The following TTC5 variants were observed in gnomAD, a reference collection of about 807,000 sequenced individuals.
TTC5 encodes tetratricopeptide repeat protein 5.
Under a neutral mutation model 57.4 loss-of-function variants are expected in TTC5, and 46 were observed. That is an observed-to-expected ratio of 0.80 (90% CI 0.63 to 1.03). TTC5 has a LOEUF of 1.03. TTC5 is among the 50% of genes least tolerant of loss of function. TTC5 has a pLI of 0.00. For synonymous variants in TTC5, 190 were observed against 203.5 expected (o/e 0.93, Z 0.57); for missense variants, 504 against 528.1 (o/e 0.95, Z 0.45).
chr14:20,300,165 T>C (rs1352284437), intron 3 of TTC5, among the ~76,000 whole-genome samples: 1 of 14,168 alleles, frequency 7.1e-5, no homozygotes, highest in Admixed American at 9.0e-4. Flanking sequence ...ATTTTTTTTT[T>C]TTTTTTTTTT....
At chr14:20,290,071 C>T (rs573362570) in intron 9 of TTC5, among the ~76,000 whole-genome samples, 62 of 152,332 alleles carry the variant, frequency 4.1e-4, no homozygotes, top group Admixed American at 8.5e-4. Context: ...CCTTTTCCCA[C>T]GGTGTTTCCT....
At position 20,287,074 on chromosome 14, in the gene TTC5, G is replaced by A. The variant is rs1203995846; in HGVS notation, c.*2553C>T. On this transcript the variant is annotated 3_prime_UTR_variant, in exon 10 of 10. Coordinates refer to ENST00000258821, the MANE Select transcript of TTC5 (RefSeq NM_138376.3). Reference sequence around the variant, plus strand: ...AAACTAATATAAGCACTTTGGAAATGTTTAGTGCTTCTCAAAAAAGTTGAA... The same window carrying A: ...AAACTAATATAAGCACTTTGGAAATATTTAGTGCTTCTCAAAAAAGTTGAA... The A allele has an allele frequency of 3.9e-5, 6 of 152,168 alleles. No individual in the cohort carries two copies. The highest frequency in any genetic ancestry group is 8.8e-5 in the Non-Finnish European group (6 of 68,028). 9.4% of individuals were successfully genotyped at this position (152,168 alleles called of 1,614,324 possible). A position where few individuals can be genotyped will look rare whatever the true frequency, so the allele number is the denominator to read the frequency against.
At chr14:20,302,064 TTC>T (rs2138818696) in intron 1 of TTC5, 99 bp from the exon 2 acceptor site, 4 of 1,329,878 alleles carry the variant, frequency 3.0e-6, no homozygotes, top group East Asian at 2.4e-5. Flanking sequence ...GAAATACCAA[TTC>T]TCTTTCTCAC....
chr14:20,302,813 T>G (rs1357246202), intron 1 of TTC5, among the ~76,000 whole-genome samples: 1 of 152,228 alleles, frequency 6.6e-6, no homozygotes, highest in East Asian at 1.9e-4. Context: ...AAACGTTGTT[T>G]CAGGCACAAA....
At chr14:20,293,974 T>C (rs534316580) in intron 8 of TTC5, 4 of 152,274 alleles carry the variant, frequency 2.6e-5, no homozygotes, top group South Asian at 2.1e-4. Flanking sequence ...TGTAAGCATA[T>C]AGGAGGCTGC....
chr14:20,301,040 G>C (rs1400172631), intron 2 of TTC5, among the ~76,000 whole-genome samples: 1 of 152,110 alleles, frequency 6.6e-6, no homozygotes, highest in African/African-American at 2.4e-5. Context: ...CTGTTTCTTG[G>C]GCCCCTATCT....
chr14:20,299,220 A>G (rs1882130584), intron 4 of TTC5, 78 bp downstream of exon 4: 2 of 1,511,870 alleles, frequency 1.3e-6, no homozygotes, highest in Non-Finnish European at 1.8e-6. Context: ...ATCACACTCA[A>G]AAGAGGGACT....
At chr14:20,291,825 C>CAT (rs968750839) in intron 9 of TTC5, among the ~76,000 whole-genome samples, 158 bp downstream of exon 9, 79 of 151,252 alleles carry the variant, frequency 5.2e-4, no homozygotes, top group Admixed American at 1.7e-3. Context: ...TAAAAAAATA[C>CAT]ATATATATAT....
intron 5 of TTC5, among the ~76,000 whole-genome samples, chr14:20,296,869 T>C (rs559515524): frequency 4.7e-4 from 71 of 152,040 alleles, no homozygotes; most frequent in African/African-American, 1.5e-3. Flanking sequence ...AAAACTTAGC[T>C]AGGCATGGTG....
In TTC5 at chr14:20,295,361, T is replaced by C; in HGVS notation, c.1009A>G (p.Ile337Val). Residue 337 changes from isoleucine (I) to valine (V), a missense_variant, in exon 8 of 10, where the codon ATC becomes GTC. By Grantham distance (29) the Ile-to-Val change is conservative. Transcript: ENST00000258821. Reference protein sequence around the residue: ...LQPGVNSGAVILGKVVFSLTT... With the variant: ...LQPGVNSGAVVLGKVVFSLTT... ...AGGCTAAATACCACCTTTCCCAGGA[T>C]GACGGCACCGCTGTTCACCCCAGGC... 1 of 1,614,180 alleles carries C rather than the reference T, an allele frequency of 6.2e-7. No individual in the cohort carries two copies. Among genetic ancestry groups the C allele is most frequent in the Non-Finnish European group, 8.5e-7 (1 of 1,180,026 alleles).
At chr14:20,293,682 G>C (rs184880741) in intron 8 of TTC5, 1 of 152,242 alleles carries the variant, frequency 6.6e-6, no homozygotes, top group African/African-American at 2.4e-5. Flanking sequence ...GTGATAAGGG[G>C]GTGAATTAAG....
Position 20,288,546 on chromosome 14 carries a change from G to A in TTC5, c.*1081C>T, listed in dbSNP as rs2138801292. 1 of 152,416 alleles carries A rather than the reference G, an allele frequency of 6.6e-6. No homozygotes were observed. The highest frequency in any genetic ancestry group is 2.4e-5 in the African/African-American group (1 of 41,572). The allele number at this position is 152,416 out of a possible 1,614,324, so 9.4% of individuals were successfully genotyped here. A position where few individuals can be genotyped will look rare whatever the true frequency, so the allele number is the denominator to read the frequency against. On this transcript the variant is annotated 3_prime_UTR_variant, in exon 10 of 10. Transcript: ENST00000258821. The stretch of plus-strand genomic sequence containing the variant: ...ATTCTCTGCCTCAGCCTCCCCAGTA[G>A]CTGTGATTACAGGTGCCTGCCACCA...
chr14:20,295,365 G>A lies in TTC5; in HGVS notation c.1005C>T (p.Ala335=), dbSNP rs746941186. The part of the protein sequence containing the change: ...STLQPGVNSG[A]VILGKVVFSL... ...TAAATACCACCTTTCCCAGGATGAC[G>A]GCACCGCTGTTCACCCCAGGCTGAA... Residue 335 remains alanine, a synonymous_variant, in exon 8 of 10, where the codon GCC becomes GCT. Transcript: ENST00000258821. 1.7e-5 allele frequency: 27 copies of A among 1,614,002 alleles called. No individual in the cohort carries two copies. Among genetic ancestry groups the A allele is most frequent in the East Asian group, 4.5e-5 (2 of 44,890 alleles).
chr14:20,298,911 A>C, intron 4 of TTC5, 23 bp from the exon 5 acceptor site: 1 of 1,544,194 alleles, frequency 6.5e-7, no homozygotes, highest in Non-Finnish European at 9.0e-7. Flanking sequence ...CACAGTGACA[A>C]ATCATCTCAG....
intron 8 of TTC5, chr14:20,292,890 A>T (rs1483714286): frequency 1.3e-5 from 2 of 152,236 alleles, no homozygotes; most frequent in Non-Finnish European, 2.9e-5. Flanking sequence ...AATCCTCGGT[A>T]AAAATGTTAA....
intron 2 of TTC5, 137 bp downstream of exon 2, chr14:20,301,696 G>T: frequency 9.2e-7 from 1 of 1,087,520 alleles, no homozygotes; most frequent in Non-Finnish European, 1.3e-6. Context: ...GGTTGCACAG[G>T]GGCCCTGAGA....
intron 9 of TTC5, among the ~76,000 whole-genome samples, chr14:20,290,333 C>T (rs1377385453): frequency 6.6e-6 from 1 of 152,116 alleles, no homozygotes; most frequent in Non-Finnish European, 1.5e-5. Context: ...TAGTCTTCAT[C>T]CAAAAAATAT....
At chr14:20,300,141 A>ATGTGTGTGTG (rs1282022010) in intron 3 of TTC5, among the ~76,000 whole-genome samples, 1 of 27,490 alleles carries the variant, frequency 3.6e-5, no homozygotes, top group Admixed American at 4.9e-4. Flanking sequence ...CGTCTGGTCC[A>ATGTGTGTGTG]TGTATATATA....
rs1294585718 is a variant in TTC5, at chr14:20,291,989, T to C, written c.1197A>G (p.Lys399=). The C allele has an allele frequency of 1.9e-6, 3 of 1,583,490 alleles. No individual in the cohort carries two copies. Among genetic ancestry groups the C allele is most frequent in the Non-Finnish European group, 2.6e-6 (3 of 1,166,082 alleles). The change falls in exon 9 of 10, where the codon AAA becomes AAG. Residue 399 remains lysine, a synonymous_variant. Transcript: ENST00000258821. ...AATCCTAGCCATTGCTCACCTTTCC[T>C]TTGTGCTGAATTCGGTGAAGCCGCA... The part of the protein sequence containing the change: ...PNLRLHRIQH[K]GKDYSFSSVR...
Sources: gnomAD v4.1 joint callset for allele counts (sites outside exome capture counted in the v4.1 genomes callset) on GRCh38, gnomAD v4.1.1 for gene constraint, MANE v1.5 for transcripts, NCBI Gene and HGNC (gene_info 2026-07-23, HGNC 2026-07-21) for gene names.